The following TCOF1 variants were observed in gnomAD, a reference collection of about 807,000 sequenced individuals.
TCOF1 encodes the protein treacle protein.
TCOF1 carries 33 observed loss-of-function variants against 149.0 expected under a neutral mutation model. The observed-to-expected ratio is 0.22, with a 90% CI of 0.17 to 0.30. The LOEUF is 0.30. Ranked by LOEUF, TCOF1 falls within the 10% of genes least tolerant of loss-of-function variation. The pLI is 1.00. For synonymous variants in TCOF1, 789 were observed against 738.8 expected, an observed-to-expected ratio of 1.07 and a Z score of -1.10; for missense variants, 1,728 against 1,840.7, an observed-to-expected ratio of 0.94 and a Z score of 1.12.
chr5:150,367,106 C>T (rs998216573), intron 3 of TCOF1, among the ~76,000 whole-genome samples: 2 of 151,950 alleles, frequency 1.3e-5, no homozygotes, highest in Admixed American at 1.3e-4. Context: ...GAGATCAAGA[C>T]CATCCTAGCT....
intron 6 of TCOF1, 144 bp from the exon 7 acceptor site, chr5:150,371,862 A>T: frequency 1.3e-6 from 1 of 763,270 alleles, no homozygotes. Context: ...AAATGGATCT[A>T]AAGCTAATAG....
intron 18 of TCOF1, 30 bp downstream of exon 18, chr5:150,388,118 G>A: frequency 6.2e-7 from 1 of 1,612,540 alleles, no homozygotes; most frequent in Non-Finnish European, 8.5e-7. Context: ...AGTGGTGGGA[G>A]GGGCTGCCAG....
intron 11 of TCOF1, 40 bp downstream of exon 11, chr5:150,375,594 C>CA (rs1763587915): frequency 6.2e-7 from 1 of 1,613,490 alleles, no homozygotes; most frequent in Non-Finnish European, 8.5e-7. Flanking sequence ...TTTTCCCCCC[C>CA]ACTCAGAGTG....
intron 8 of TCOF1, 43 bp downstream of exon 8, chr5:150,374,429 C>A: frequency 6.4e-7 from 1 of 1,550,536 alleles, no homozygotes; most frequent in Non-Finnish European, 8.7e-7. Context: ...AGGCCCGTCC[C>A]CAGAAGGCCT....
At position 150,392,171 on chromosome 5, in the gene TCOF1, C is replaced by A; in HGVS notation, c.3512C>A (p.Thr1171Lys). 1 of 1,613,648 alleles carries A rather than the reference C, an allele frequency of 6.2e-7. No homozygotes were observed. The change falls in exon 21 of 27, where the codon ACG becomes AAG. Residue 1171 changes from threonine (T) to lysine (K), a missense_variant. By Grantham distance (78) the Thr-to-Lys change is moderately conservative. This residue lies in a region of TCOF1 where 1,696 missense variants were observed against 1,765.4 expected (regional missense o/e 0.96). Transcript: ENST00000643257. ...CCCCAGGGGGCCAAGTCAGCCCACACGCTGGGTGAGGGTGCCAGGGGAAAG... is the reference window on the plus strand; with the variant it reads ...CCCCAGGGGGCCAAGTCAGCCCACAAGCTGGGTGAGGGTGCCAGGGGAAAG... ...EGPQGAKSAHTLVGPTPSRTE... is the reference protein window; with the variant it reads ...EGPQGAKSAHKLVGPTPSRTE...
At chr5:150,395,717 A>G (rs1768347241) in intron 23 of TCOF1, among the ~76,000 whole-genome samples, 1 of 152,154 alleles carries the variant, frequency 6.6e-6, no homozygotes, top group Non-Finnish European at 1.5e-5. Context: ...CCCCCTGACC[A>G]GGAAGGGCCG....
rs185522273 is a variant in TCOF1, at chr5:150,378,626, A to G, written c.2341-279A>G. ...GCTAATGCTAAGGAAGGCACGCACA[A>G]TGAGTTTGAGTGTTTATTATGTTCC... is the stretch of plus-strand genomic sequence containing the variant. On this transcript the variant is annotated intron_variant, in intron 14 of 26. Coordinates refer to ENST00000643257, the MANE Select transcript of TCOF1 (RefSeq NM_001371623.1). 238 of 477,016 alleles carry G rather than the reference A, an allele frequency of 5.0e-4. 1 individual carries two copies. The highest frequency in any genetic ancestry group is 9.5e-5 in the Non-Finnish European group (25 of 262,254). 29.5% of individuals were successfully genotyped at this position (477,016 alleles called of 1,614,324 possible).
intron 17 of TCOF1, chr5:150,384,006 G>A: frequency 7.2e-7 from 1 of 1,383,584 alleles, no homozygotes; most frequent in Non-Finnish European, 9.3e-7. Context: ...CAAGCTCCCA[G>A]AAGCTTCTGC....
chr5:150,378,108 C>CT (rs1764229204), intron 14 of TCOF1, among the ~76,000 whole-genome samples: 1 of 152,208 alleles, frequency 6.6e-6, no homozygotes, highest in African/African-American at 2.4e-5. Context: ...AGGGAATCTT[C>CT]TTGAAGTCCT....
chr5:150,392,834 G>T, intron 22 of TCOF1, 44 bp downstream of exon 22: 1 of 1,598,946 alleles, frequency 6.3e-7, no homozygotes, highest in East Asian at 2.2e-5. Flanking sequence ...GCCTTAGGGT[G>T]GAGCCCCAGG....
At chr5:150,388,846 G>A (rs113947166) in intron 18 of TCOF1, among the ~76,000 whole-genome samples, 1 of 152,078 alleles carries the variant, frequency 6.6e-6, no homozygotes, top group Non-Finnish European at 1.5e-5. Context: ...CACGAGAATC[G>A]CTTGAACCCA....
chr5:150,383,871 G>A (rs767691761), intron 17 of TCOF1: 6 of 1,546,294 alleles, frequency 3.9e-6, no homozygotes, highest in African/African-American at 1.4e-5. Flanking sequence ...CCAAGGGTGG[G>A]ACCAGGCCCA....
chr5:150,380,543 T>A (rs1198433109), intron 17 of TCOF1: 1 of 152,544 alleles, frequency 6.6e-6, no homozygotes, highest in African/African-American at 2.4e-5. Context: ...TCTAGCTTAG[T>A]GCAAAGCCTG....
In TCOF1 at chr5:150,372,216, C is replaced by T. The variant is rs964184140; in HGVS notation, c.850C>T (p.Pro284Ser). 2 of 1,612,124 alleles carry T rather than the reference C, an allele frequency of 1.2e-6. No individual in the cohort carries two copies. The change falls in exon 7 of 27, where the codon CCT becomes TCT. Residue 284 changes from proline (P) to serine (S), a missense_variant. Physicochemically the swap from Pro to Ser is moderately conservative, Grantham distance 74. Around this residue, in one of 2 missense-constraint regions of TCOF1, gnomAD observed 1,696 missense variants for 1,765.4 expected, o/e 0.96. Coordinates refer to ENST00000643257, the MANE Select transcript of TCOF1 (RefSeq NM_001371623.1). The stretch of plus-strand genomic sequence containing the variant: ...GGGATCTGAAAGTGAGGAGGAGGCC[C>T]CTGCAGGGACACGAAGCCAGGTGAG... ...EEGSESEEEAPAGTRSQVKAS... is the reference protein window; with the variant it reads ...EEGSESEEEASAGTRSQVKAS...
chr5:150,381,947 G>GGCTGGGTGGCT (rs1386065700), intron 17 of TCOF1, among the ~76,000 whole-genome samples: 1 of 152,204 alleles, frequency 6.6e-6, no homozygotes, highest in Non-Finnish European at 1.5e-5. Flanking sequence ...TGTAATCCCA[G>GGCTGGGTGGCT]CACTTTGGGA....
intron 10 of TCOF1, 82 bp downstream of exon 10, chr5:150,375,245 A>C: frequency 6.2e-7 from 1 of 1,609,048 alleles, no homozygotes. Context: ...CTCTGAACCT[A>C]GAGCCCTGTG....
At position 150,361,150 on chromosome 5, in the gene TCOF1, C is replaced by G. The variant is rs752094566; in HGVS notation, c.109-6C>G. On this transcript the variant is annotated splice_region_variant and splice_polypyrimidine_tract_variant and intron_variant, in intron 1 of 26. Transcript: ENST00000643257. ...TAATTGTGGCTTTCTCTTTACCTCT[C>G]TGCAGAAGTGTTTCCTGGCTCAGCC... 1 of 1,614,152 alleles carries G rather than the reference C, an allele frequency of 6.2e-7. No individual in the cohort carries two copies. Among genetic ancestry groups the G allele is most frequent in the Non-Finnish European group, 8.5e-7 (1 of 1,180,014 alleles).
intron 3 of TCOF1, among the ~76,000 whole-genome samples, chr5:150,367,344 T>C (rs1446375268): frequency 6.6e-6 from 1 of 152,102 alleles, no homozygotes; most frequent in Non-Finnish European, 1.5e-5. Flanking sequence ...AATATCGATA[T>C]CTAACGGGGC....
At chr5:150,375,986 C>G (rs1173311898) in intron 12 of TCOF1, 77 bp downstream of exon 12, 6 of 1,613,872 alleles carry the variant, frequency 3.7e-6, no homozygotes, top group Non-Finnish European at 5.1e-6. Flanking sequence ...AGCTGTGCTC[C>G]CTCAGGCAGA....
Sources: allele counts gnomAD v4.1 joint callset (sites outside exome capture counted in the v4.1 genomes callset), GRCh38; gene constraint gnomAD v4.1.1; regional missense constraint gnomAD v4.1.1; transcripts MANE v1.5; gene names NCBI Gene and HGNC (gene_info 2026-07-23, HGNC 2026-07-21).